SLC5A12: variants seen among roughly 807,000 people sequenced by gnomAD.
SLC5A12 encodes the protein solute carrier family 5 member 12, also known as sodium-coupled monocarboxylate transporter 2.
SLC5A12 carries 46 observed loss-of-function variants against 72.7 expected under a neutral mutation model. The observed-to-expected ratio is 0.63, with a 90% CI of 0.50 to 0.81. The LOEUF (loss-of-function observed/expected upper bound fraction) is 0.81. SLC5A12 is among the 30% of genes least tolerant of loss of function. SLC5A12 has a pLI of 0.00. For synonymous variants in SLC5A12, 275 were observed against 264.4 expected (o/e 1.04, Z -0.39); for missense variants, 683 against 740.7 (o/e 0.92, Z 0.90).
intron 6 of SLC5A12, among the ~76,000 whole-genome samples, chr11:26,700,525 A>ATAAG (rs1032495054): frequency 3.3e-5 from 5 of 152,098 alleles, no homozygotes; most frequent in Admixed American, 1.3e-4. Context: ...AAATAAATAA[A>ATAAG]TAAATAAATC....
At chr11:26,678,866 G>T (rs1345443405) in intron 12 of SLC5A12, 51 bp from the exon 13 acceptor site, 9 of 1,273,244 alleles carry the variant, frequency 7.1e-6, no homozygotes, top group Non-Finnish European at 1.0e-5. Context: ...AAGACCCACA[G>T]TGATGTAGAG....
intron 4 of SLC5A12, chr11:26,708,919 G>C (rs1855154576): frequency 1.3e-5 from 2 of 154,942 alleles, no homozygotes; most frequent in African/African-American, 4.8e-5. Flanking sequence ...TGTACATTTT[G>C]TTATTTCTCA....
chr11:26,718,529 G>C (rs1014776239), intron 1 of SLC5A12, among the ~76,000 whole-genome samples: 4 of 152,052 alleles, frequency 2.6e-5, no homozygotes, highest in Non-Finnish European at 5.9e-5. Context: ...GATCTCGGCA[G>C]TTCACTGCAA....
At chr11:26,682,165 T>C (rs1438721869) in intron 11 of SLC5A12, among the ~76,000 whole-genome samples, 3 of 151,902 alleles carry the variant, frequency 2.0e-5, no homozygotes, top group Non-Finnish European at 2.9e-5. Flanking sequence ...AGCCTGGCTG[T>C]GTTTTTAGTA....
intron 1 of SLC5A12, among the ~76,000 whole-genome samples, chr11:26,713,606 C>T (rs1773823779): frequency 6.6e-6 from 1 of 152,136 alleles, no homozygotes; most frequent in Admixed American, 6.6e-5. Context: ...ATTTCATCCT[C>T]TGAGCTCATA....
chr11:26,687,672 C>T (rs1238084395), intron 9 of SLC5A12, among the ~76,000 whole-genome samples: 1 of 152,188 alleles, frequency 6.6e-6, no homozygotes, highest in Non-Finnish European at 1.5e-5. Context: ...AGAGTCATTA[C>T]ATGATATTCC....
intron 14 of SLC5A12, among the ~76,000 whole-genome samples, chr11:26,672,645 G>A (rs961819910): frequency 3.9e-5 from 6 of 152,072 alleles, no homozygotes; most frequent in African/African-American, 1.2e-4. Context: ...GGCATTCCCC[G>A]ATTCCTCTGA....
At chr11:26,696,195 G>A (rs1854807841) in intron 8 of SLC5A12, among the ~76,000 whole-genome samples, 1 of 152,100 alleles carries the variant, frequency 6.6e-6, no homozygotes, top group Non-Finnish European at 1.5e-5. Flanking sequence ...CTATTAGAAA[G>A]CAAACTCTAT....
At chr11:26,712,602 C>T in intron 2 of SLC5A12, 39 bp downstream of exon 2, 1 of 1,456,300 alleles carries the variant, frequency 6.9e-7, no homozygotes, top group African/African-American at 1.4e-5. Flanking sequence ...ATCTAGTAAC[C>T]TCACAGTTTC....
intron 8 of SLC5A12, among the ~76,000 whole-genome samples, chr11:26,694,460 G>A (rs1453758839): frequency 6.6e-6 from 1 of 152,152 alleles, no homozygotes; most frequent in East Asian, 1.9e-4. Context: ...AGGGACGAAA[G>A]AAAGGACAGA....
intron 9 of SLC5A12, among the ~76,000 whole-genome samples, chr11:26,688,846 G>A (rs1854598248): frequency 6.6e-6 from 1 of 152,020 alleles, no homozygotes; most frequent in African/African-American, 2.4e-5. Flanking sequence ...TCCATGCCTA[G>A]CTATTTATCA....
At chr11:26,687,177 T>TTTTGCG (rs1854557181) in intron 9 of SLC5A12, among the ~76,000 whole-genome samples, 1 of 152,200 alleles carries the variant, frequency 6.6e-6, no homozygotes, top group Non-Finnish European at 1.5e-5. Context: ...TGAATCAGCA[T>TTTTGCG]ATGTATTTTG....
rs775005806 is a variant in SLC5A12, at chr11:26,709,281, G to A, written c.525+31C>T. Reference sequence around the variant, plus strand: ...CCCTTATCCCATATTAGGAGGTAGTGTTAAATACTTCTTCACAGCTAGATA... The same window carrying A: ...CCCTTATCCCATATTAGGAGGTAGTATTAAATACTTCTTCACAGCTAGATA... On this transcript the variant is annotated intron_variant, in intron 4 of 14. Coordinates refer to ENST00000396005, the MANE Select transcript of SLC5A12 (RefSeq NM_178498.4). 7 of 1,548,810 alleles carry A rather than the reference G, an allele frequency of 4.5e-6. No homozygotes were observed. In the East Asian group the frequency reaches 1.3e-4, roughly 30 times the overall value.
intron 1 of SLC5A12, among the ~76,000 whole-genome samples, chr11:26,717,399 T>C (rs1362972743): frequency 6.6e-6 from 1 of 152,116 alleles, no homozygotes. Flanking sequence ...GAGTGTATGA[T>C]AAGAGAAGGA....
intron 11 of SLC5A12, among the ~76,000 whole-genome samples, chr11:26,683,328 ATTAG>A (rs1438831549): frequency 6.6e-6 from 1 of 152,174 alleles, no homozygotes; most frequent in African/African-American, 2.4e-5. Flanking sequence ...CCCTACATAA[ATTAG>A]TTAATTAATT....
In SLC5A12 at chr11:26,697,195, A is replaced by G; in HGVS notation, c.1009T>C (p.Phe337Leu). ...FATMPGLPGL[F>L]VACAFSGTLS... Reference sequence around the variant, plus strand: ...GTTCCACTGAAGGCACAAGCCACAAAAAGTCCTGGCAGTCCTGGCATTGTG... The same window carrying G: ...GTTCCACTGAAGGCACAAGCCACAAGAAGTCCTGGCAGTCCTGGCATTGTG... The change falls in exon 8 of 15, where the codon TTT becomes CTT. Residue 337 changes from phenylalanine to leucine, a missense_variant. Coordinates refer to ENST00000396005, the MANE Select transcript of SLC5A12 (RefSeq NM_178498.4). The G allele has an allele frequency of 6.2e-7, 1 of 1,614,028 alleles. No homozygotes were observed. The highest frequency in any genetic ancestry group is 8.5e-7 in the Non-Finnish European group (1 of 1,179,936).
rs1272861890 is a variant in SLC5A12, at chr11:26,671,216, C to A, written c.1743G>T (p.Gly581=). The stretch of plus-strand genomic sequence containing the variant: ...GTCCGTTCTGTAAGACAGATTCAGC[C>A]CCCTGTTTCCGGGCACTGCCATTCT... ...NLENGSARKQ[G]AESVLQNGLR... The change falls in exon 15 of 15, where the codon GGG becomes GGT. Residue 581 remains glycine (G), a synonymous_variant. Coordinates refer to ENST00000396005, the MANE Select transcript of SLC5A12 (RefSeq NM_178498.4). 6.2e-7 allele frequency: 1 copy of A among 1,606,068 alleles called. No individual in the cohort carries two copies. Among genetic ancestry groups the A allele is most frequent in the Non-Finnish European group, 8.5e-7 (1 of 1,176,404 alleles).
Position 26,676,834 on chromosome 11 carries a change from A to T in SLC5A12, c.1579+1878T>A, listed in dbSNP as rs577815813. On this transcript the variant is annotated intron_variant, in intron 13 of 14. Coordinates refer to ENST00000396005, the MANE Select transcript of SLC5A12 (RefSeq NM_178498.4). Reference sequence around the variant, plus strand: ...AACACAGACATGATTCTATGTGTCAACATGTATGAGTAACATAAACAGCAT... The same window carrying T: ...AACACAGACATGATTCTATGTGTCATCATGTATGAGTAACATAAACAGCAT... Among the ~76,000 whole-genome samples the T allele has an allele frequency of 3.3e-5, 5 of 152,188 alleles. No individual in the cohort carries two copies. In the South Asian group the frequency reaches 6.2e-4, roughly 19 times the overall value.
chr11:26,719,807 A>G (rs1855436573), intron 1 of SLC5A12, among the ~76,000 whole-genome samples: 2 of 152,008 alleles, frequency 1.3e-5, no homozygotes, highest in Admixed American at 1.3e-4. Context: ...ATCTCATCCT[A>G]TTTACTTTAC....
Sources: gnomAD v4.1 joint callset for allele counts (sites outside exome capture counted in the v4.1 genomes callset) on GRCh38, gnomAD v4.1.1 for gene constraint, MANE v1.5 for transcripts, NCBI Gene and HGNC (gene_info 2026-07-23, HGNC 2026-07-21) for gene names.